Variants in SLC6A15 observed in about 807,000 individuals in gnomAD.
SLC6A15 encodes the protein solute carrier family 6 member 15, also known as sodium-dependent neutral amino acid transporter B(0)AT2.
In SLC6A15, 33 loss-of-function variants were observed where a neutral mutation model predicts 68.5. That is an observed-to-expected ratio of 0.48 (90% CI 0.37 to 0.64). SLC6A15 has a LOEUF of 0.64. SLC6A15 is among the 30% of genes least tolerant of loss of function. SLC6A15 has a pLI of 0.00. For missense variants in SLC6A15, 747 were observed against 874.3 expected, an observed-to-expected ratio of 0.85 and a Z score of 1.84; for synonymous variants, 347 against 301.0, an observed-to-expected ratio of 1.15 and a Z score of -1.58.
rs972163042 is a variant in SLC6A15, at chr12:84,873,664, T to C, written c.868-336A>G. On this transcript the variant is annotated intron_variant, in intron 6 of 11. Coordinates refer to ENST00000266682, the MANE Select transcript of SLC6A15 (RefSeq NM_182767.6). ...ATCCTCAATCATTTCCCATTATGTC[T>C]TTTTTTCTTTCCATAGCAAAACAGG... Among the ~76,000 whole-genome samples the C allele has an allele frequency of 1.8e-4, 27 of 152,284 alleles. No homozygotes were observed. The South Asian group carries it at 2.9e-3, about 16-fold the overall frequency.
chr12:84,902,766 T>A (rs534830597), intron 1 of SLC6A15, among the ~76,000 whole-genome samples: 1 of 152,066 alleles, frequency 6.6e-6, no homozygotes, highest in South Asian at 2.1e-4. Context: ...AATACATATA[T>A]AACAATTTTT....
At chr12:84,908,546 A>T (rs924657455) in intron 1 of SLC6A15, among the ~76,000 whole-genome samples, 2 of 150,380 alleles carry the variant, frequency 1.3e-5, no homozygotes, top group African/African-American at 4.9e-5. Flanking sequence ...TTATATATTT[A>T]TATTTTGAAT....
chr12:84,865,841 G>T (rs556168794), intron 10 of SLC6A15, among the ~76,000 whole-genome samples: 6 of 152,104 alleles, frequency 3.9e-5, no homozygotes, highest in African/African-American at 1.4e-4. Flanking sequence ...ACCTACTAAA[G>T]GATATCTTGT....
At chr12:84,902,368 G>A (rs931638565) in intron 1 of SLC6A15, among the ~76,000 whole-genome samples, 3 of 151,952 alleles carry the variant, frequency 2.0e-5, no homozygotes, top group African/African-American at 7.2e-5. Context: ...AAATATTGGT[G>A]AGGACATGTA....
chr12:84,909,960 G>A (rs192601714), intron 1 of SLC6A15, among the ~76,000 whole-genome samples: 105 of 152,160 alleles, frequency 6.9e-4, no homozygotes, highest in African/African-American at 2.4e-3. Context: ...CTATGAATAC[G>A]GACTTTAGAG....
At chr12:84,905,196 G>A (rs1378312478) in intron 1 of SLC6A15, among the ~76,000 whole-genome samples, 2 of 152,112 alleles carry the variant, frequency 1.3e-5, no homozygotes, top group Non-Finnish European at 2.9e-5. Context: ...ATTCAGTGAT[G>A]TATAAAAAGA....
intron 5 of SLC6A15, chr12:84,882,835 C>A (rs1329255073): frequency 3.3e-6 from 1 of 299,872 alleles, no homozygotes; most frequent in Non-Finnish European, 4.9e-6. Context: ...GTACCCAAAG[C>A]AAAATACATT....
chr12:84,875,163 A>C (rs1046120935), intron 6 of SLC6A15, among the ~76,000 whole-genome samples: 3 of 152,222 alleles, frequency 2.0e-5, no homozygotes, highest in Non-Finnish European at 2.9e-5. Flanking sequence ...AAATTCACAC[A>C]GAATTTTGGT....
Position 84,883,926 on chromosome 12 carries a change from A to G in SLC6A15, c.689T>C (p.Ile230Thr). The G allele has an allele frequency of 1.2e-6, 2 of 1,614,132 alleles. No individual in the cohort carries two copies. The highest frequency in any genetic ancestry group is 1.7e-6 in the Non-Finnish European group (2 of 1,180,004). ...CATGACCCAGGCAGCCAACAAGCAGATGGTCATCTTCCAGTTTAAGCCCCC... is the reference window on the plus strand; with the variant it reads ...CATGACCCAGGCAGCCAACAAGCAGGTGGTCATCTTCCAGTTTAAGCCCCC... ...ESGGLNWKMT[I>T]CLLAAWVMVC... Residue 230 changes from isoleucine (I) to threonine (T), a missense_variant, in exon 5 of 12, where the codon ATC becomes ACC. Transcript: ENST00000266682.
chr12:84,870,715 A>T, intron 8 of SLC6A15, 45 bp from the exon 9 acceptor site: 1 of 1,227,588 alleles, frequency 8.1e-7, no homozygotes, highest in Non-Finnish European at 1.1e-6. Context: ...AGTAATTATT[A>T]AACAATGGCT....
intron 1 of SLC6A15, among the ~76,000 whole-genome samples, chr12:84,911,161 AAAAC>A (rs1297026031): frequency 6.6e-6 from 1 of 152,150 alleles, no homozygotes; most frequent in African/African-American, 2.4e-5. Flanking sequence ...ATAATTCCTC[AAAAC>A]AAACACTTTG....
chr12:84,872,670 T>C lies in SLC6A15; in HGVS notation c.1234A>G (p.Lys412Glu), dbSNP rs1452497994. The change falls in exon 8 of 12, where the codon AAA becomes GAA. Residue 412 changes from lysine to glutamate, a missense_variant. By Grantham distance (56) the Lys-to-Glu change is moderately conservative. Coordinates refer to ENST00000266682, the MANE Select transcript of SLC6A15 (RefSeq NM_182767.6). ...GCAGGAAACTCTTCTTCTTTCACTT[T>C]TTGAATGATGTCATAAACTAAATGA... Reference protein sequence around the residue: ...DYHLVYDIIQKVKEEEFPALH... With the variant: ...DYHLVYDIIQEVKEEEFPALH... The C allele has an allele frequency of 6.2e-7, 1 of 1,612,482 alleles. No individual in the cohort carries two copies. Among genetic ancestry groups the C allele is most frequent in the Non-Finnish European group, 8.5e-7 (1 of 1,179,638 alleles).
intron 1 of SLC6A15, among the ~76,000 whole-genome samples, chr12:84,910,943 G>A (rs997785269): frequency 7.0e-6 from 1 of 142,072 alleles, no homozygotes; most frequent in Admixed American, 6.7e-5. Flanking sequence ...GTGTGTGTGT[G>A]TGTGTGTGTG....
At chr12:84,862,070 G>C in intron 11 of SLC6A15, 64 bp from the exon 12 acceptor site, 1 of 1,455,538 alleles carries the variant, frequency 6.9e-7, no homozygotes. Flanking sequence ...ATAAAATATT[G>C]TACTTGCTTC....
chr12:84,881,374 T>C, intron 5 of SLC6A15: 1 of 822,814 alleles, frequency 1.2e-6, no homozygotes, highest in Non-Finnish European at 1.5e-6. Context: ...ATCATAGTTT[T>C]GCTCTCTATG....
intron 5 of SLC6A15, among the ~76,000 whole-genome samples, chr12:84,877,297 T>C (rs1344880740): frequency 2.0e-5 from 3 of 152,218 alleles, no homozygotes; most frequent in African/African-American, 7.2e-5. Flanking sequence ...TTTCAGAAAA[T>C]GGCCCCACCC....
intron 1 of SLC6A15, among the ~76,000 whole-genome samples, chr12:84,896,083 T>C (rs1308666498): frequency 6.6e-6 from 1 of 152,152 alleles, no homozygotes; most frequent in Non-Finnish European, 1.5e-5. Flanking sequence ...AACAGCACAA[T>C]CTCTGCCAAC....
chr12:84,865,214 C>A (rs747079097), intron 10 of SLC6A15, among the ~76,000 whole-genome samples: 2 of 152,064 alleles, frequency 1.3e-5, no homozygotes, highest in Non-Finnish European at 2.9e-5. Flanking sequence ...CATATTGTAT[C>A]CTCCTGTAAA....
intron 1 of SLC6A15, among the ~76,000 whole-genome samples, chr12:84,895,337 G>GTGT (rs1362312029): frequency 3.1e-5 from 2 of 65,422 alleles, no homozygotes; most frequent in African/African-American, 6.9e-5. Context: ...ATTTTTGTTT[G>GTGT]TATTTTTTTT....
Sources: gnomAD v4.1 joint callset for allele counts (sites outside exome capture counted in the v4.1 genomes callset) on GRCh38, gnomAD v4.1.1 for gene constraint, MANE v1.5 for transcripts, NCBI Gene and HGNC (gene_info 2026-07-23, HGNC 2026-07-21) for gene names.